Variants in CRISPLD2 observed in about 807,000 individuals in gnomAD.
CRISPLD2 encodes the protein cysteine rich secretory protein LCCL domain containing 2, also known as cysteine-rich secretory protein LCCL domain-containing 2.
CRISPLD2 carries 47 observed loss-of-function variants against 71.1 expected under a neutral mutation model. The observed-to-expected ratio is 0.66, with a 90% CI of 0.52 to 0.84. CRISPLD2 has a LOEUF of 0.84. Ranked by LOEUF, CRISPLD2 falls within the 40% of genes least tolerant of loss-of-function variation. The pLI, the probability that CRISPLD2 is intolerant of heterozygous loss-of-function variation, is 0.00. For missense variants in CRISPLD2, 830 were observed against 651.1 expected (o/e 1.27, Z -2.99); for synonymous variants, 317 against 250.1 (o/e 1.27, Z -2.52).
At chr16:84,828,365 A>G (rs1255834076) in intron 1 of CRISPLD2, 1 of 152,156 alleles carries the variant, frequency 6.6e-6, no homozygotes, top group East Asian at 1.9e-4. Flanking sequence ...TCCCCTAGCC[A>G]TGGAAGAAAC....
intron 14 of CRISPLD2, among the ~76,000 whole-genome samples, chr16:84,896,268 C>CG (rs944041013): frequency 1.3e-5 from 2 of 151,898 alleles, no homozygotes; most frequent in Non-Finnish European, 2.9e-5. Context: ...AGGCTGGTCT[C>CG]GAATTCGTGA....
At chr16:84,821,545 G>C (rs927053730) in intron 1 of CRISPLD2, among the ~76,000 whole-genome samples, 4 of 152,140 alleles carry the variant, frequency 2.6e-5, no homozygotes, top group South Asian at 2.1e-4. Context: ...ATGGAATGCT[G>C]TCACCCCCAG....
chr16:84,893,974 C>A (rs1186078845), intron 14 of CRISPLD2, among the ~76,000 whole-genome samples: 3 of 152,240 alleles, frequency 2.0e-5, no homozygotes, highest in East Asian at 3.8e-4. Flanking sequence ...CAGTTCACAG[C>A]AAACTGTACT....
chr16:84,833,484 T>G (rs1017742971), intron 1 of CRISPLD2, among the ~76,000 whole-genome samples: 1 of 152,280 alleles, frequency 6.6e-6, no homozygotes, highest in Admixed American at 6.5e-5. Flanking sequence ...CAGGGGCATC[T>G]CTCTAGGAGT....
intron 14 of CRISPLD2, among the ~76,000 whole-genome samples, chr16:84,898,308 AC>A (rs762209069): frequency 1.3e-5 from 2 of 152,070 alleles, no homozygotes; most frequent in Non-Finnish European, 2.9e-5. Flanking sequence ...TTTCCATTGT[AC>A]TAAGAATCAA....
At chr16:84,879,942 G>T (rs1263609060) in intron 12 of CRISPLD2, among the ~76,000 whole-genome samples, 1 of 152,142 alleles carries the variant, frequency 6.6e-6, no homozygotes, top group Non-Finnish European at 1.5e-5. Context: ...AAACCACCCA[G>T]GGGTCACCCA....
chr16:84,859,381 G>A (rs1389288287), intron 6 of CRISPLD2, among the ~76,000 whole-genome samples: 1 of 152,194 alleles, frequency 6.6e-6, no homozygotes, highest in Non-Finnish European at 1.5e-5. Context: ...CAGAGCCAGT[G>A]TCCAGTAGTC....
Position 84,838,444 on chromosome 16 carries a change from C to T in CRISPLD2, c.-52C>T. 1 of 1,585,150 alleles carries T rather than the reference C, an allele frequency of 6.3e-7. No homozygotes were observed. The stretch of plus-strand genomic sequence containing the variant: ...CAGAGCTCAAGCGCCCAGCTCTGCC[C>T]GAGGAGCCCAGGCTGCCCCGTGAGT... On this transcript the variant is annotated 5_prime_UTR_variant, in exon 2 of 15. Transcript: ENST00000262424.
At chr16:84,898,341 G>A (rs917475849) in intron 14 of CRISPLD2, among the ~76,000 whole-genome samples, 1 of 152,138 alleles carries the variant, frequency 6.6e-6, no homozygotes, top group Non-Finnish European at 1.5e-5. Context: ...TCCCATTCAA[G>A]GCCGCAGCTG....
chr16:84,876,940 G>T (rs1472258448), intron 11 of CRISPLD2, among the ~76,000 whole-genome samples: 1 of 152,116 alleles, frequency 6.6e-6, no homozygotes, highest in African/African-American at 2.4e-5. Flanking sequence ...AAAGCCCCTC[G>T]CCCCTCAGCA....
chr16:84,892,109 G>C (rs1345581668), intron 14 of CRISPLD2, among the ~76,000 whole-genome samples: 1 of 152,160 alleles, frequency 6.6e-6, no homozygotes, highest in Non-Finnish European at 1.5e-5. Context: ...ACCTATAAAG[G>C]GGGGAATAAT....
intron 14 of CRISPLD2, among the ~76,000 whole-genome samples, chr16:84,898,124 T>C (rs937060153): frequency 6.6e-6 from 1 of 152,156 alleles, no homozygotes; most frequent in Non-Finnish European, 1.5e-5. Flanking sequence ...TAAACAACAC[T>C]AGAAAGAACA....
At chr16:84,868,938 A>C (rs768038146) in intron 8 of CRISPLD2, 27 bp downstream of exon 8, 1 of 1,518,168 alleles carries the variant, frequency 6.6e-7, no homozygotes, top group Non-Finnish European at 9.0e-7. Context: ...CTGTCCTGCC[A>C]CTGTAGCCTC....
intron 12 of CRISPLD2, among the ~76,000 whole-genome samples, 160 bp from the exon 13 acceptor site, chr16:84,880,349 A>AG (rs532908305): frequency 1.3e-3 from 198 of 152,192 alleles, no homozygotes; most frequent in African/African-American, 4.6e-3. Context: ...ACCTCTGCTG[A>AG]GGGGGGAGAA....
In CRISPLD2 at chr16:84,854,749, C is replaced by T; in HGVS notation, c.629C>T (p.Ala210Val). 6.2e-7 allele frequency: 1 copy of T among 1,614,056 alleles called. No homozygotes were observed. The highest frequency in any genetic ancestry group is 8.5e-7 in the Non-Finnish European group (1 of 1,179,942). ...CTCAGGGGGAACTGGATTGGAGAAG[C>T]CCCCTACAAGAATGGCCGGCCCTGC... is the stretch of plus-strand genomic sequence containing the variant. ...YSPKGNWIGE[A>V]PYKNGRPCSE... The change falls in exon 6 of 15, where the codon GCC becomes GTC. Residue 210 changes from alanine (A) to valine (V), a missense_variant. Transcript: ENST00000262424.
chr16:84,826,050 G>C (rs1158677093), intron 1 of CRISPLD2, among the ~76,000 whole-genome samples: 1 of 152,204 alleles, frequency 6.6e-6, no homozygotes, highest in East Asian at 1.9e-4. Flanking sequence ...ATCAGAAGCT[G>C]TGGGGTGGGG....
chr16:84,884,491 C>T (rs565627594), intron 13 of CRISPLD2, among the ~76,000 whole-genome samples: 8 of 152,324 alleles, frequency 5.3e-5, no homozygotes, highest in South Asian at 2.1e-4. Context: ...AGCCAGCCGG[C>T]GCTGGATGCA....
chr16:84,854,203 C>T (rs1223465013), intron 5 of CRISPLD2, among the ~76,000 whole-genome samples: 1 of 152,244 alleles, frequency 6.6e-6, no homozygotes, highest in East Asian at 1.9e-4. Flanking sequence ...ACAGTTTCCT[C>T]CTCTGCAAAA....
intron 14 of CRISPLD2, among the ~76,000 whole-genome samples, chr16:84,891,620 C>G (rs192383369): frequency 6.9e-6 from 1 of 144,926 alleles, no homozygotes; most frequent in East Asian, 2.2e-4. Context: ...CTCTTTGTAC[C>G]CTCTTTGAGA....
Sources: gnomAD v4.1 joint callset for allele counts (sites outside exome capture counted in the v4.1 genomes callset) on GRCh38, gnomAD v4.1.1 for gene constraint, MANE v1.5 for transcripts, NCBI Gene and HGNC (gene_info 2026-07-23, HGNC 2026-07-21) for gene names.